Variants in LINGO2 observed in about 807,000 individuals in gnomAD.
LINGO2 encodes leucine-rich repeat and immunoglobulin-like domain-containing nogo receptor-interacting protein 2.
LINGO2 carries 14 observed loss-of-function variants against 30.6 expected under a neutral mutation model. The ratio of observed to expected loss-of-function variants is 0.46; its 90% CI spans 0.30 to 0.72. The LOEUF (loss-of-function observed/expected upper bound fraction) is 0.72, where lower values mean the gene tolerates loss of function less well. LINGO2 is among the 30% of genes least tolerant of loss of function. The pLI, the probability that LINGO2 is intolerant of heterozygous loss-of-function variation, is 0.07. For synonymous variants in LINGO2, 317 were observed against 288.5 expected, an observed-to-expected ratio of 1.10 and a Z score of -1.00; for missense variants, 729 against 751.7, an observed-to-expected ratio of 0.97 and a Z score of 0.35.
chr9:27,972,609 T>A (rs538607095), intron 5 of LINGO2, among the ~76,000 whole-genome samples: 1 of 152,196 alleles, frequency 6.6e-6, no homozygotes, highest in Non-Finnish European at 1.5e-5. Flanking sequence ...GTCTATTTAC[T>A]GTAAGACCAA....
At chr9:29,011,584 A>AT in the LINGO2 span, among the ~76,000 whole-genome samples, 1 of 152,220 alleles carries the variant, frequency 6.6e-6, no homozygotes, top group Admixed American at 6.5e-5. Context: ...AAACACAAGA[A>AT]AGATCACCAA....
chr9:29,076,184 C>T, the LINGO2 span, among the ~76,000 whole-genome samples: 29,965 of 151,930 alleles, frequency 0.2, 3,080 homozygotes, highest in African/African-American at 0.24. Context: ...AATCAAAAAA[C>T]ATTCGTTAAG....
At chr9:28,848,566 A>G in the LINGO2 span, among the ~76,000 whole-genome samples, 1 of 150,500 alleles carries the variant, frequency 6.6e-6, no homozygotes, top group Non-Finnish European at 1.5e-5. Context: ...GTTTGCTCCT[A>G]AACAAAATGA....
chr9:28,291,442 A>G (rs78825115), intron 4 of LINGO2, among the ~76,000 whole-genome samples: 3,808 of 152,318 alleles, frequency 0.025, 151 homozygotes, highest in African/African-American at 0.086. Flanking sequence ...TGCCAGTTCT[A>G]GGGAACAGGG....
the LINGO2 span, chr9:27,940,916 G>C: frequency 6.6e-6 from 1 of 152,122 alleles, no homozygotes; most frequent in African/African-American, 2.4e-5. Context: ...TCCCTGATTG[G>C]TGAGTTTACT....
intron 1 of LINGO2, among the ~76,000 whole-genome samples, chr9:28,593,575 A>G (rs1435167414): frequency 6.6e-6 from 1 of 152,092 alleles, no homozygotes; most frequent in East Asian, 1.9e-4. Flanking sequence ...AGGTCTGACT[A>G]TTGCTATTAG....
At chr9:28,462,030 CA>C (rs1420539798) in intron 2 of LINGO2, among the ~76,000 whole-genome samples, 1 of 152,070 alleles carries the variant, frequency 6.6e-6, no homozygotes, top group Admixed American at 6.6e-5. Context: ...TGTCTCCTTT[CA>C]AAATCTGTAT....
At chr9:28,771,082 C>G in the LINGO2 span, among the ~76,000 whole-genome samples, 1 of 152,148 alleles carries the variant, frequency 6.6e-6, no homozygotes, top group African/African-American at 2.4e-5. Flanking sequence ...CTACTGGTCT[C>G]CTCTTAAAGG....
the LINGO2 span, among the ~76,000 whole-genome samples, chr9:29,068,676 C>T: frequency 6.6e-6 from 1 of 151,808 alleles, no homozygotes; most frequent in Non-Finnish European, 1.5e-5. Context: ...TGAAAGATCG[C>T]TTAGTTAATG....
At chr9:28,787,086 T>G in the LINGO2 span, among the ~76,000 whole-genome samples, 1 of 152,130 alleles carries the variant, frequency 6.6e-6, no homozygotes, top group East Asian at 1.9e-4. Flanking sequence ...AATCACCAGG[T>G]AGTGATGTTG....
At chr9:28,317,635 A>ATGATACTTT (rs569961209) in intron 3 of LINGO2, among the ~76,000 whole-genome samples, 4,756 of 152,234 alleles carry the variant, frequency 0.031, 145 homozygotes, top group South Asian at 0.095. Flanking sequence ...TTCTGAAAAA[A>ATGATACTTT]CAGAGTGTTA....
At chr9:28,005,023 A>T (rs969007942) in intron 5 of LINGO2, among the ~76,000 whole-genome samples, 3 of 152,230 alleles carry the variant, frequency 2.0e-5, no homozygotes, top group Non-Finnish European at 2.9e-5. Context: ...TTACGCAAGA[A>T]GAGGGGAAAT....
intron 2 of LINGO2, among the ~76,000 whole-genome samples, chr9:28,406,313 G>T (rs555698838): frequency 8.8e-5 from 10 of 113,708 alleles, no homozygotes; most frequent in African/African-American, 3.3e-4. Context: ...GTGTACGCCT[G>T]TAGTTTCAGC....
chr9:29,147,376 G>A, the LINGO2 span, among the ~76,000 whole-genome samples: 1,391 of 151,998 alleles, frequency 9.2e-3, 20 homozygotes, highest in African/African-American at 0.031. Context: ...AAACTGCCCC[G>A]CTTTAATTTA....
At chr9:28,188,753 C>G (rs1276247811) in intron 4 of LINGO2, among the ~76,000 whole-genome samples, 2 of 152,098 alleles carry the variant, frequency 1.3e-5, no homozygotes, top group Non-Finnish European at 2.9e-5. Flanking sequence ...CTTCTATATT[C>G]CCATAATTAA....
chr9:28,299,436 T>G (rs555719613), intron 3 of LINGO2, among the ~76,000 whole-genome samples: 1 of 147,244 alleles, frequency 6.8e-6, no homozygotes, highest in Admixed American at 6.8e-5. Flanking sequence ...ATTCACAAAA[T>G]TATTGCTTCT....
Position 28,350,965 on chromosome 9 carries a change from C to T in LINGO2, c.-246+21871G>A, listed in dbSNP as rs868339294. On this transcript the variant is annotated intron_variant, in intron 3 of 5. Coordinates refer to ENST00000379992, the Ensembl canonical transcript of LINGO2. ...TTTGAAACCAACGAGAACAAAGACA[C>T]AACATACCAGAATCTCTGGGATGCA... 6.0e-3 allele frequency among the ~76,000 whole-genome samples: 909 copies of T among 151,896 alleles called. 21 individuals are homozygous for T. Among genetic ancestry groups the T allele is most frequent in the African/African-American group, 0.02 (827 of 41,440 alleles).
chr9:28,605,248 T>C (rs955525002), intron 1 of LINGO2, among the ~76,000 whole-genome samples: 1 of 152,042 alleles, frequency 6.6e-6, no homozygotes, highest in African/African-American at 2.4e-5. Flanking sequence ...ATAAAATATA[T>C]TATTTAAATT....
At chr9:28,377,766 C>T (rs1821186881) in intron 2 of LINGO2, among the ~76,000 whole-genome samples, 1 of 152,076 alleles carries the variant, frequency 6.6e-6, no homozygotes, top group Non-Finnish European at 1.5e-5. Context: ...TTCTCTATTT[C>T]AGAAAACTTA....
Sources: gnomAD v4.1 joint callset for allele counts (sites outside exome capture counted in the v4.1 genomes callset) on GRCh38, gnomAD v4.1.1 for gene constraint, MANE v1.5 for transcripts, NCBI Gene and HGNC (gene_info 2026-07-23, HGNC 2026-07-21) for gene names.